ZNF639: variants seen among roughly 807,000 people sequenced by gnomAD.
The protein encoded by ZNF639 is zinc finger amplified in esophageal squamous cell carcinomas 1.
Under a neutral mutation model 39.8 loss-of-function variants are expected in ZNF639, and 20 were observed. That is an observed-to-expected ratio of 0.50 (90% CI 0.35 to 0.73). ZNF639 has a LOEUF of 0.73. Ranked by LOEUF, ZNF639 falls within the 30% of genes least tolerant of loss-of-function variation. ZNF639 has a pLI of 0.00. For synonymous variants in ZNF639, 176 were observed against 189.8 expected (o/e 0.93, Z 0.60); for missense variants, 477 against 566.2 (o/e 0.84, Z 1.60).
chr3:179,334,462 A>G lies in ZNF639; in HGVS notation c.*40A>G. 1 of 1,422,942 alleles carries G rather than the reference A, an allele frequency of 7.0e-7. No homozygotes were observed. Among genetic ancestry groups the G allele is most frequent in the Non-Finnish European group, 9.3e-7 (1 of 1,072,750 alleles). 88.1% of individuals were successfully genotyped at this position (1,422,942 alleles called of 1,614,324 possible). A position where few individuals can be genotyped will look rare whatever the true frequency, so the allele number is the denominator to read the frequency against. ...TTACAGAATGTTAGTTTAAAATAATAAATTCATCCTTTTTTTGGAGATGAT... is the reference window on the plus strand; with the variant it reads ...TTACAGAATGTTAGTTTAAAATAATGAATTCATCCTTTTTTTGGAGATGAT... On this transcript the variant is annotated 3_prime_UTR_variant, in exon 6 of 6. Transcript: ENST00000496856.
Position 179,323,258 on chromosome 3 carries a change from T to A in ZNF639, c.-116T>A. 2.0e-6 allele frequency: 2 copies of A among 985,048 alleles called. No homozygotes were observed. Among genetic ancestry groups the A allele is most frequent in the Non-Finnish European group, 2.4e-6 (2 of 829,930 alleles). 61.0% of individuals were successfully genotyped at this position (985,048 alleles called of 1,614,324 possible). On this transcript the variant is annotated 5_prime_UTR_variant, in exon 1 of 6. Coordinates refer to ENST00000496856, the MANE Select transcript of ZNF639 (RefSeq NM_001303426.2). ...GCTCTCGGCCGCCGCCGCCTCTGCG[T>A]GGGCCGGCCGGGAGGGCCTCGGGGG...
At chr3:179,328,819 A>T (rs1254286380) in intron 3 of ZNF639, among the ~76,000 whole-genome samples, 1 of 139,592 alleles carries the variant, frequency 7.2e-6, no homozygotes, top group African/African-American at 2.7e-5. Flanking sequence ...TCTCTAGCCC[A>T]GGCTGGAGTG....
chr3:179,333,180 A>G, intron 5 of ZNF639, 57 bp downstream of exon 5: 6 of 1,561,968 alleles, frequency 3.8e-6, no homozygotes, highest in Non-Finnish European at 5.2e-6. Flanking sequence ...TTTTAAAAAA[A>G]GTGCATGCAA....
At chr3:179,331,155 G>T (rs978261743) in intron 4 of ZNF639, among the ~76,000 whole-genome samples, 1 of 152,148 alleles carries the variant, frequency 6.6e-6, no homozygotes, top group African/African-American at 2.4e-5. Context: ...CTTGACAGGG[G>T]TATGCCAAAG....
chr3:179,326,668 A>G (rs1250461017), intron 1 of ZNF639, among the ~76,000 whole-genome samples: 1 of 151,372 alleles, frequency 6.6e-6, no homozygotes, highest in Non-Finnish European at 1.5e-5. Context: ...TCTGTTGCCC[A>G]GGCTGGAGTG....
chr3:179,335,279 A>G lies in ZNF639; in HGVS notation c.*857A>G, dbSNP rs1355970104. The G allele has an allele frequency of 6.6e-6, 1 of 152,124 alleles. No individual in the cohort carries two copies. Among genetic ancestry groups the G allele is most frequent in the African/African-American group, 2.4e-5 (1 of 41,378 alleles). 9.4% of individuals were successfully genotyped at this position (152,124 alleles called of 1,614,324 possible). On this transcript the variant is annotated 3_prime_UTR_variant, in exon 6 of 6. Transcript: ENST00000496856. The stretch of plus-strand genomic sequence containing the variant: ...CTAAGTTTTTAAATTTCTTGTAGAG[A>G]TGAGATCTCGCTATGTTGCCCAGGC...
chr3:179,331,775 C>CAAAAAAAAAAAA (rs56708873), intron 4 of ZNF639, among the ~76,000 whole-genome samples: 1 of 80,586 alleles, frequency 1.2e-5, no homozygotes. Flanking sequence ...AACTCCATCT[C>CAAAAAAAAAAAA]AAAAAAAAAA....
At position 179,333,059 on chromosome 3, in the gene ZNF639, A is replaced by G; in HGVS notation, c.240A>G (p.Arg80=). The G allele has an allele frequency of 6.3e-7, 1 of 1,577,812 alleles. No individual in the cohort carries two copies. Among genetic ancestry groups the G allele is most frequent in the Non-Finnish European group, 8.6e-7 (1 of 1,160,186 alleles). Reference sequence around the variant, plus strand: ...CAGATGGAATCAAGGCCAGAAACAGAAATCAGAACTACCTGGTTCCCAGTC... The same window carrying G: ...CAGATGGAATCAAGGCCAGAAACAGGAATCAGAACTACCTGGTTCCCAGTC... ...KFADGIKARN[R]NQNYLVPSPV... Residue 80 remains arginine (R), a synonymous_variant, in exon 5 of 6, where the codon AGA becomes AGG. Transcript: ENST00000496856.
rs746406085 is a variant in ZNF639 at position 179,333,479 on chromosome 3, C to G, written c.515C>G (p.Pro172Arg). The G allele has an allele frequency of 2.5e-6, 4 of 1,614,096 alleles. No homozygotes were observed. In the East Asian group the frequency reaches 8.9e-5, roughly 36 times the overall value. Reference protein sequence around the residue: ...SLQDQTDEEPPAKLCKILDKS... With the variant: ...SLQDQTDEEPRAKLCKILDKS... Reference sequence around the variant, plus strand: ...CAAGACCAAACTGATGAAGAACCGCCAGCTAAACTTTGTAAAATTCTTGAC... The same window carrying G: ...CAAGACCAAACTGATGAAGAACCGCGAGCTAAACTTTGTAAAATTCTTGAC... Residue 172 changes from proline (P) to arginine (R), a missense_variant, in exon 6 of 6, where the codon CCA (proline) becomes CGA (arginine). Physicochemically the swap from Pro to Arg is moderately radical, Grantham distance 103. Coordinates refer to ENST00000496856, the MANE Select transcript of ZNF639 (RefSeq NM_001303426.2).
chr3:179,324,358 CATTTTTCTG>C (rs1727463949), intron 1 of ZNF639, among the ~76,000 whole-genome samples: 1 of 152,026 alleles, frequency 6.6e-6, no homozygotes, highest in Admixed American at 6.6e-5. Flanking sequence ...AATTTTTAAA[CATTTTTCTG>C]ATTTTTCTGC....
rs760622811 is a variant in ZNF639 at position 179,333,756 on chromosome 3, C to T, written c.792C>T (p.Tyr264=). ...LHEEDPYICK[Y]CDYKTVIFEN... is the part of the protein sequence containing the mutation. ...AAGAGGATCCCTACATTTGTAAATACTGTGATTATAAGACAGTAATTTTTG... is the reference window on the plus strand; with the variant it reads ...AAGAGGATCCCTACATTTGTAAATATTGTGATTATAAGACAGTAATTTTTG... The change falls in exon 6 of 6, where the codon TAC becomes TAT. Residue 264 remains tyrosine (Y), a synonymous_variant. Transcript: ENST00000496856. 2 of 1,614,036 alleles carry T rather than the reference C, an allele frequency of 1.2e-6. No homozygotes were observed. The highest frequency in any genetic ancestry group is 4.5e-5 in the East Asian group (2 of 44,888).
At chr3:179,326,355 C>T (rs930911460) in intron 1 of ZNF639, among the ~76,000 whole-genome samples, 1 of 151,980 alleles carries the variant, frequency 6.6e-6, no homozygotes, top group African/African-American at 2.4e-5. Context: ...AGCAAGACTC[C>T]GTTTCAAATA....
intron 1 of ZNF639, among the ~76,000 whole-genome samples, chr3:179,324,028 A>C (rs1324676600): frequency 6.6e-6 from 1 of 152,194 alleles, no homozygotes; most frequent in Non-Finnish European, 1.5e-5. Flanking sequence ...CACGTTGGAC[A>C]TGTAGTGGAT....
At chr3:179,326,794 T>A in intron 1 of ZNF639, among the ~76,000 whole-genome samples, 1 of 151,816 alleles carries the variant, frequency 6.6e-6, no homozygotes. Context: ...CCCGGCTGAT[T>A]TTTGTATTTT....
chr3:179,329,613 T>C lies in ZNF639; in HGVS notation c.59-5T>C. The C allele has an allele frequency of 6.4e-7, 1 of 1,555,518 alleles. No homozygotes were observed. The highest frequency in any genetic ancestry group is 1.2e-5 in the South Asian group (1 of 86,676). Reference sequence around the variant, plus strand: ...TACTTGAAATATTTTTCATTTTATGTTCAGATTCCTCTGGAATAAGCAGAA... The same window carrying C: ...TACTTGAAATATTTTTCATTTTATGCTCAGATTCCTCTGGAATAAGCAGAA... On this transcript the variant is annotated splice_region_variant and splice_polypyrimidine_tract_variant and intron_variant, in intron 3 of 5. Transcript: ENST00000496856.
chr3:179,334,111 A>G lies in ZNF639; in HGVS notation c.1147A>G (p.Ser383Gly). ...FFVCQVCGFRSRLHTNVNRHV... is the reference protein window; with the variant it reads ...FFVCQVCGFRGRLHTNVNRHV... ...TGTATGTCAAGTATGTGGTTTTCGG[A>G]GTAGACTTCACACAAATGTTAACAG... The change falls in exon 6 of 6, where the codon AGT (serine) becomes GGT (glycine). Residue 383 changes from serine (S) to glycine (G), a missense_variant. Transcript: ENST00000496856. The G allele has an allele frequency of 6.2e-7, 1 of 1,613,960 alleles. No homozygotes were observed. Among genetic ancestry groups the G allele is most frequent in the Non-Finnish European group, 8.5e-7 (1 of 1,179,918 alleles).
chr3:179,324,273 A>G (rs932890080), intron 1 of ZNF639, among the ~76,000 whole-genome samples: 6 of 152,134 alleles, frequency 3.9e-5, no homozygotes, highest in East Asian at 1.9e-4. Flanking sequence ...TATGTATTCT[A>G]TTTTGTGCAT....
intron 3 of ZNF639, among the ~76,000 whole-genome samples, 163 bp from the exon 4 acceptor site, chr3:179,329,455 T>C (rs547303555): frequency 1.2e-3 from 184 of 152,370 alleles, no homozygotes; most frequent in African/African-American, 4.3e-3. Flanking sequence ...TATGTCAATA[T>C]TGGATCTGAA....
rs1234974011 is a variant in ZNF639 at position 179,333,204 on chromosome 3, G to T, written c.305-65G>T. On this transcript the variant is annotated intron_variant, in intron 5 of 5. Transcript: ENST00000496856. Reference sequence around the variant, plus strand: ...AAGTGCATGCAATAAATTTTTTTTTGCCCAGTTGTATTTAACAGATCTTAT... The same window carrying T: ...AAGTGCATGCAATAAATTTTTTTTTTCCCAGTTGTATTTAACAGATCTTAT... The T allele has an allele frequency of 5.8e-6, 9 of 1,549,622 alleles. No individual in the cohort carries two copies. In the Admixed American group the frequency reaches 1.1e-4, roughly 18 times the overall value.
Sources: allele counts gnomAD v4.1 joint callset (sites outside exome capture counted in the v4.1 genomes callset), GRCh38; gene constraint gnomAD v4.1.1; transcripts MANE v1.5; gene names NCBI Gene and HGNC (gene_info 2026-07-23, HGNC 2026-07-21).